Variants in CCSER1 observed in about 807,000 individuals in gnomAD.
The protein encoded by CCSER1 is serine-rich coiled-coil domain-containing protein 1.
Under a neutral mutation model 82.0 loss-of-function variants are expected in CCSER1, and 41 were observed. The ratio of observed to expected loss-of-function variants is 0.50; its 90% CI spans 0.39 to 0.65. The LOEUF (loss-of-function observed/expected upper bound fraction) is 0.65, where lower values mean the gene tolerates loss of function less well. Ranked by LOEUF, CCSER1 falls within the 30% of genes least tolerant of loss-of-function variation. CCSER1 has a pLI of 0.00. For synonymous variants in CCSER1, 414 were observed against 383.9 expected (o/e 1.08, Z -0.92); for missense variants, 1,119 against 1,064.2 (o/e 1.05, Z -0.72).
intron 10 of CCSER1, among the ~76,000 whole-genome samples, chr4:91,339,933 A>G (rs898157365): frequency 1.3e-5 from 2 of 152,106 alleles, no homozygotes; most frequent in Admixed American, 6.6e-5. Flanking sequence ...CCTGATCAAC[A>G]TGGTGAAACC....
At chr4:91,521,569 A>G (rs1173496393) in intron 10 of CCSER1, among the ~76,000 whole-genome samples, 1 of 152,164 alleles carries the variant, frequency 6.6e-6, no homozygotes, top group Non-Finnish European at 1.5e-5. Flanking sequence ...AATGATCACC[A>G]TGCTAACTGG....
At chr4:90,906,695 A>G (rs1208905791) in intron 8 of CCSER1, among the ~76,000 whole-genome samples, 2 of 152,126 alleles carry the variant, frequency 1.3e-5, no homozygotes, top group Non-Finnish European at 2.9e-5. Context: ...ATATCAAGCA[A>G]GTTAAAGCTG....
intron 4 of CCSER1, among the ~76,000 whole-genome samples, chr4:90,411,559 G>A (rs182417261): frequency 0.01 from 1,537 of 152,260 alleles, 17 homozygotes; most frequent in South Asian, 0.03. Context: ...AAAGGCCTTT[G>A]ACAAAATTCA....
chr4:91,515,933 G>A (rs1397214204), intron 10 of CCSER1, among the ~76,000 whole-genome samples: 3 of 145,874 alleles, frequency 2.1e-5, no homozygotes, highest in Non-Finnish European at 4.5e-5. Context: ...TCTCATTGTC[G>A]TTTTATTGCA....
intron 8 of CCSER1, among the ~76,000 whole-genome samples, chr4:90,915,215 A>T (rs1727145394): frequency 6.6e-6 from 1 of 152,174 alleles, no homozygotes. Flanking sequence ...ACAACAGAAA[A>T]AGAGAATATT....
chr4:90,145,436 C>T (rs1725622343), intron 1 of CCSER1, among the ~76,000 whole-genome samples: 4 of 152,074 alleles, frequency 2.6e-5, no homozygotes, highest in Admixed American at 2.6e-4. Context: ...AATTTCATTG[C>T]TGTATCAGTG....
Position 90,244,883 on chromosome 4 carries a change from G to A in CCSER1, c.-41-63361G>A, listed in dbSNP as rs1260193370. The stretch of plus-strand genomic sequence containing the variant: ...TAGAAATATGTTTAGAGGTATCATA[G>A]ACAGGTGAATAGAAAATGAGCTTTA... On this transcript the variant is annotated intron_variant, in intron 1 of 10. Transcript: ENST00000509176. Among the ~76,000 whole-genome samples, 4 of 152,116 alleles carry A rather than the reference G, an allele frequency of 2.6e-5. No individual in the cohort carries two copies. The East Asian group carries it at 7.7e-4, about 29-fold the overall frequency.
At position 91,409,204 on chromosome 4, in the gene CCSER1, A is replaced by T. The variant is rs7672281; in HGVS notation, c.2218-189368A>T. On this transcript the variant is annotated intron_variant, in intron 10 of 10. Transcript: ENST00000509176. ...GTAAAGATTAAACAATCTTCTTAAT[A>T]AACTTTGCATTAGGAACAATTAAAT... 7.2e-5 allele frequency among the ~76,000 whole-genome samples: 11 copies of T among 152,166 alleles called. No homozygotes were observed. The South Asian group carries it at 1.2e-3, about 17-fold the overall frequency.
intron 6 of CCSER1, among the ~76,000 whole-genome samples, chr4:90,642,776 G>A (rs887470223): frequency 2.0e-5 from 3 of 152,128 alleles, no homozygotes; most frequent in African/African-American, 7.2e-5. Context: ...GATGGCTTGA[G>A]CCCAGGAGTT....
intron 5 of CCSER1, among the ~76,000 whole-genome samples, chr4:90,626,391 T>TGG (rs1723273863): frequency 6.6e-6 from 1 of 152,192 alleles, no homozygotes; most frequent in African/African-American, 2.4e-5. Flanking sequence ...ATACTTGATT[T>TGG]TATTCTTATT....
chr4:90,585,201 G>T (rs1213109648), intron 5 of CCSER1, among the ~76,000 whole-genome samples: 1 of 152,150 alleles, frequency 6.6e-6, no homozygotes, highest in Non-Finnish European at 1.5e-5. Context: ...CATTAAAATA[G>T]TTAATGTTGA....
At chr4:91,453,979 A>G (rs1323257521) in intron 10 of CCSER1, among the ~76,000 whole-genome samples, 2 of 152,080 alleles carry the variant, frequency 1.3e-5, no homozygotes, top group East Asian at 1.9e-4. Flanking sequence ...ACAGATGTCA[A>G]CAGGAATAAA....
chr4:91,268,727 T>C (rs894956049), intron 10 of CCSER1, among the ~76,000 whole-genome samples: 1 of 152,114 alleles, frequency 6.6e-6, no homozygotes, highest in African/African-American at 2.4e-5. Context: ...AGGGGGTTTT[T>C]CTCTTACAGG....
intron 10 of CCSER1, among the ~76,000 whole-genome samples, chr4:91,440,044 TAGAC>T (rs1755005012): frequency 6.6e-6 from 1 of 151,836 alleles, no homozygotes; most frequent in African/African-American, 2.4e-5. Context: ...CTGTCAACAT[TAGAC>T]AGATCAACGA....
Position 90,381,567 on chromosome 4 carries a change from G to A in CCSER1, c.1510-18469G>A, listed in dbSNP as rs567148289. On this transcript the variant is annotated intron_variant, in intron 3 of 10. Coordinates refer to ENST00000509176, the MANE Select transcript of CCSER1 (RefSeq NM_001145065.2). The stretch of plus-strand genomic sequence containing the variant: ...ATATTTTCATTCCATAGAATACCAT[G>A]GTGTACACAGTATTAATCATGGTCA... Among the ~76,000 whole-genome samples the A allele has an allele frequency of 3.3e-5, 5 of 152,030 alleles. No individual in the cohort carries two copies. In the South Asian group the frequency reaches 1.0e-3, roughly 32 times the overall value.
intron 9 of CCSER1, among the ~76,000 whole-genome samples, chr4:91,031,640 T>G (rs1460802688): frequency 6.6e-6 from 1 of 152,146 alleles, no homozygotes; most frequent in Non-Finnish European, 1.5e-5. Flanking sequence ...TTGAAGTCTT[T>G]TAGGCCACTT....
At chr4:90,183,590 G>T (rs1476006245) in intron 1 of CCSER1, among the ~76,000 whole-genome samples, 1 of 152,054 alleles carries the variant, frequency 6.6e-6, no homozygotes, top group African/African-American at 2.4e-5. Context: ...TGTGATAGTG[G>T]AACAAATAAT....
At chr4:90,429,920 T>TAA (rs1394600502) in intron 4 of CCSER1, among the ~76,000 whole-genome samples, 1 of 151,848 alleles carries the variant, frequency 6.6e-6, no homozygotes, top group Non-Finnish European at 1.5e-5. Flanking sequence ...AAAATTTTGT[T>TAA]TCATATTTCA....
At chr4:90,430,606 A>G (rs923946913) in intron 4 of CCSER1, among the ~76,000 whole-genome samples, 1 of 151,924 alleles carries the variant, frequency 6.6e-6, no homozygotes, top group Non-Finnish European at 1.5e-5. Flanking sequence ...ATGTTTCAGG[A>G]ATGTCAGTGC....
Sources: allele counts gnomAD v4.1 joint callset (sites outside exome capture counted in the v4.1 genomes callset), GRCh38; gene constraint gnomAD v4.1.1; transcripts MANE v1.5; gene names NCBI Gene and HGNC (gene_info 2026-07-23, HGNC 2026-07-21).